The following CCDC175 variants were observed in gnomAD, a reference collection of about 807,000 sequenced individuals.
CCDC175 encodes coiled-coil domain containing 175, also known as coiled-coil domain-containing protein 175.
Under a neutral mutation model 114.6 loss-of-function variants are expected in CCDC175, and 100 were observed. The ratio of observed to expected loss-of-function variants is 0.87; its 90% CI spans 0.74 to 1.03. The LOEUF is 1.03. CCDC175 is among the 50% of genes least tolerant of loss of function. The pLI is 0.00. For synonymous variants in CCDC175, 306 were observed against 308.7 expected (o/e 0.99, Z 0.09); for missense variants, 880 against 917.8 (o/e 0.96, Z 0.53).
In CCDC175 at chr14:59,540,648, CTTTTTT is replaced by C. The variant is rs34112354; in HGVS notation, c.1355+21_1355+26del. On this transcript the variant is annotated intron_variant, in intron 11 of 19. Transcript: ENST00000537690. The stretch of plus-strand genomic sequence containing the variant: ...GCTGATAACACAAAACACAAATAAA[CTTTTTT>C]TTTTTTTTTTTTTTTTTTACCATCT... The C allele has an allele frequency of 2.1e-4, 235 of 1,100,834 alleles. No homozygotes were observed. The African/African-American group carries it at 2.6e-3, about 12-fold the overall frequency. 68.2% of individuals were successfully genotyped at this position (1,100,834 alleles called of 1,614,324 possible).
At chr14:59,514,167 C>A (rs373624878) in intron 17 of CCDC175, among the ~76,000 whole-genome samples, 2 of 152,132 alleles carry the variant, frequency 1.3e-5, no homozygotes. Flanking sequence ...CCCATCTGTA[C>A]GTCACCATCA....
At chr14:59,523,884 G>A (rs1180011720) in intron 16 of CCDC175, among the ~76,000 whole-genome samples, 3 of 152,122 alleles carry the variant, frequency 2.0e-5, no homozygotes, top group African/African-American at 7.2e-5. Context: ...AGCTACTCGG[G>A]AGGCTGAGGC....
rs771942784 is a variant in CCDC175, at chr14:59,563,711, A to AT, written c.843+25_843+26insA. The stretch of plus-strand genomic sequence containing the variant: ...TTGAGGTGCCTAGATAAGGCTTAAA[A>AT]ATATATATAGTTTATTCTTTCTTAC... On this transcript the variant is annotated intron_variant, in intron 6 of 19. Transcript: ENST00000537690. 10 of 1,304,230 alleles carry AT rather than the reference A, an allele frequency of 7.7e-6. No homozygotes were observed. The South Asian group carries it at 1.9e-4, about 24-fold the overall frequency. 80.8% of individuals were successfully genotyped at this position (1,304,230 alleles called of 1,614,324 possible).
intron 7 of CCDC175, among the ~76,000 whole-genome samples, chr14:59,552,715 C>T (rs12147358): frequency 0.58 from 88,689 of 151,922 alleles, 26,803 homozygotes; most frequent in East Asian, 0.83. Flanking sequence ...CTAAAAACCT[C>T]GAAAAAAGAT....
At chr14:59,512,826 G>GTA (rs1329912698) in intron 17 of CCDC175, among the ~76,000 whole-genome samples, 16 of 151,448 alleles carry the variant, frequency 1.1e-4, no homozygotes, top group Non-Finnish European at 1.0e-4. Flanking sequence ...GTGTGTGTGT[G>GTA]TGTGTGTGTG....
chr14:59,525,707 C>T (rs534206062), intron 15 of CCDC175, among the ~76,000 whole-genome samples: 16 of 151,970 alleles, frequency 1.1e-4, no homozygotes, highest in South Asian at 4.2e-4. Flanking sequence ...CCGTGGGTTC[C>T]GCATTTGTGG....
chr14:59,567,901 A>T (rs1896647186), intron 4 of CCDC175, among the ~76,000 whole-genome samples: 1 of 152,226 alleles, frequency 6.6e-6, no homozygotes, highest in Non-Finnish European at 1.5e-5. Context: ...TGTAAACTTA[A>T]TTCTACAAAA....
At chr14:59,509,483 C>T (rs1011456414) in intron 19 of CCDC175, among the ~76,000 whole-genome samples, 2 of 152,152 alleles carry the variant, frequency 1.3e-5, no homozygotes, top group Non-Finnish European at 2.9e-5. Flanking sequence ...TTCCCAAATA[C>T]TGGAATGTTT....
rs190585873 is a variant in CCDC175, at chr14:59,547,437, C to T, written c.1036-2138G>A. ...GAAGAACAAAGGTGAAGGATTTATA[C>T]CACTGGCCATAAAAACTCATTTTAA... is the stretch of plus-strand genomic sequence containing the variant. On this transcript the variant is annotated intron_variant, in intron 8 of 19. Transcript: ENST00000537690. 1.4e-3 allele frequency among the ~76,000 whole-genome samples: 207 copies of T among 152,222 alleles called. 1 individual carries two copies. Among genetic ancestry groups the T allele is most frequent in the Middle Eastern group, 3.4e-3 (1 of 294 alleles).
chr14:59,505,235 T>C lies in CCDC175; in HGVS notation c.*4A>G. ...TTTGAATTCACAGCAGTTGTATCCT[T>C]GAGTTACTTTGTTAATGTATTTTTC... is the stretch of plus-strand genomic sequence containing the variant. On this transcript the variant is annotated 3_prime_UTR_variant, in exon 20 of 20. Coordinates refer to ENST00000537690, the MANE Select transcript of CCDC175 (RefSeq NM_001164399.2). 2 of 1,449,340 alleles carry C rather than the reference T, an allele frequency of 1.4e-6. No homozygotes were observed. Among genetic ancestry groups the C allele is most frequent in the South Asian group, 1.3e-5 (1 of 76,190 alleles). 89.8% of individuals were successfully genotyped at this position (1,449,340 alleles called of 1,614,324 possible). A position where few individuals can be genotyped will look rare whatever the true frequency, so the allele number is the denominator to read the frequency against.
At chr14:59,541,945 T>C (rs1316021214) in intron 10 of CCDC175, among the ~76,000 whole-genome samples, 2 of 152,232 alleles carry the variant, frequency 1.3e-5, no homozygotes, top group African/African-American at 2.4e-5. Flanking sequence ...TGGAAACAGA[T>C]GTTTGAATAT....
chr14:59,541,784 T>C (rs186307976), intron 10 of CCDC175, among the ~76,000 whole-genome samples: 24 of 152,180 alleles, frequency 1.6e-4, no homozygotes, highest in Non-Finnish European at 2.9e-4. Context: ...AAATTTGGCT[T>C]TGAGATTCCT....
chr14:59,531,219 T>G (rs552232861), intron 14 of CCDC175, among the ~76,000 whole-genome samples: 5 of 152,306 alleles, frequency 3.3e-5, no homozygotes, highest in African/African-American at 1.2e-4. Flanking sequence ...TAATTATTTT[T>G]ATATTAAACA....
intron 8 of CCDC175, 56 bp from the exon 9 acceptor site, chr14:59,545,355 C>G: frequency 1.3e-6 from 2 of 1,499,620 alleles, no homozygotes; most frequent in Non-Finnish European, 1.8e-6. Context: ...TCCTCTGAGG[C>G]CATCTGCATC....
intron 17 of CCDC175, among the ~76,000 whole-genome samples, chr14:59,516,673 A>T (rs1036474434): frequency 2.0e-5 from 3 of 152,228 alleles, no homozygotes; most frequent in Non-Finnish European, 4.4e-5. Context: ...TGAAGCAATA[A>T]TTAATAGCTT....
intron 7 of CCDC175, among the ~76,000 whole-genome samples, chr14:59,557,437 A>T (rs964431782): frequency 3.2e-5 from 4 of 126,016 alleles, no homozygotes; most frequent in African/African-American, 1.2e-4. Context: ...GGACACAGGA[A>T]GGGGAACCTC....
chr14:59,527,054 T>G, intron 15 of CCDC175, 41 bp downstream of exon 15: 3 of 1,100,744 alleles, frequency 2.7e-6, no homozygotes, highest in Non-Finnish European at 3.8e-6. Context: ...ACCACTATTC[T>G]AATAATAATA....
In CCDC175 at chr14:59,576,523, TCC is replaced by T. The variant is rs917794974; in HGVS notation, c.157+94_157+95del. ...CTGCCCTGCCCAGTGATGCCCTGGT[TCC>T]GGGAGGAGAGTCCCCGCTCAGGGTT... On this transcript the variant is annotated intron_variant, in intron 1 of 19. Transcript: ENST00000537690. The T allele has an allele frequency of 2.5e-6, 3 of 1,191,538 alleles. No homozygotes were observed. The African/African-American group carries it at 4.8e-5, about 19-fold the overall frequency. 73.8% of individuals were successfully genotyped at this position (1,191,538 alleles called of 1,614,324 possible). A position where few individuals can be genotyped will look rare whatever the true frequency, so the allele number is the denominator to read the frequency against.
chr14:59,539,299 C>G (rs1303675230), intron 11 of CCDC175, among the ~76,000 whole-genome samples: 1 of 152,216 alleles, frequency 6.6e-6, no homozygotes, highest in Non-Finnish European at 1.5e-5. Context: ...CAATTAGGGC[C>G]AGGCGCAGTG....
Sources: gnomAD v4.1 joint callset for allele counts (sites outside exome capture counted in the v4.1 genomes callset) on GRCh38, gnomAD v4.1.1 for gene constraint, MANE v1.5 for transcripts, NCBI Gene and HGNC (gene_info 2026-07-23, HGNC 2026-07-21) for gene names.